Variants in DUS2 observed in about 807,000 individuals in gnomAD.
DUS2 encodes the protein dihydrouridine synthase 2, also known as tRNA-dihydrouridine(20) synthase [NAD(P)+]-like.
Under a neutral mutation model 71.3 loss-of-function variants are expected in DUS2, and 52 were observed. That is an observed-to-expected ratio of 0.73 (90% CI 0.58 to 0.92). The LOEUF (loss-of-function observed/expected upper bound fraction) is 0.92, where lower values mean the gene tolerates loss of function less well. DUS2 is among the 40% of genes least tolerant of loss of function. The pLI is 0.00. For synonymous variants in DUS2, 204 were observed against 227.8 expected, an observed-to-expected ratio of 0.90 and a Z score of 0.94; for missense variants, 558 against 622.6, an observed-to-expected ratio of 0.90 and a Z score of 1.10.
chr16:68,030,331 C>T (rs1281993407), intron 2 of DUS2, among the ~76,000 whole-genome samples: 2 of 151,916 alleles, frequency 1.3e-5, no homozygotes, highest in Non-Finnish European at 2.9e-5. Flanking sequence ...TGGTGACTCA[C>T]ATCTGCAATC....
chr16:68,057,222 A>G (rs2033872114), intron 7 of DUS2, among the ~76,000 whole-genome samples: 2 of 144,290 alleles, frequency 1.4e-5, no homozygotes, highest in African/African-American at 2.5e-5. Context: ...ATAATTGTGT[A>G]TGTGTATAGA....
At position 68,042,676 on chromosome 16, in the gene DUS2, A is replaced by G. The variant is rs538173145; in HGVS notation, c.126+4527A>G. On this transcript the variant is annotated intron_variant, in intron 3 of 16. Transcript: ENST00000565263. Reference sequence around the variant, plus strand: ...AGGCTTATGCCACCACACCTGGCTAATTTTATTTATTTATTTATTTTTATT... The same window carrying G: ...AGGCTTATGCCACCACACCTGGCTAGTTTTATTTATTTATTTATTTTTATT... Among the ~76,000 whole-genome samples the G allele has an allele frequency of 2.0e-5, 3 of 151,840 alleles. No homozygotes were observed. In the East Asian group the frequency reaches 5.8e-4, roughly 29 times the overall value.
At chr16:68,064,473 A>G (rs962823642) in intron 8 of DUS2, among the ~76,000 whole-genome samples, 1 of 152,242 alleles carries the variant, frequency 6.6e-6, no homozygotes, top group African/African-American at 2.4e-5. Flanking sequence ...AGGAAGTTCT[A>G]CAAGACAGAG....
In DUS2 at chr16:68,038,102, A is replaced by G. The variant is rs774127544; in HGVS notation, c.79A>G (p.Met27Val). 61 of 1,613,746 alleles carry G rather than the reference A, an allele frequency of 3.8e-5. No homozygotes were observed. The highest frequency in any genetic ancestry group is 1.6e-4 in the East Asian group (7 of 44,882). ...APMVRVGTLP[M>V]RLLALDYGAD... Reference sequence around the variant, plus strand: ...AATGGTTCGGGTAGGGACTCTTCCAATGAGGCTGCTGGCCCTGGATTATGG... The same window carrying G: ...AATGGTTCGGGTAGGGACTCTTCCAGTGAGGCTGCTGGCCCTGGATTATGG... Residue 27 changes from methionine (M) to valine (V), a missense_variant, in exon 3 of 17, where the codon ATG (methionine) becomes GTG (valine). Physicochemically the swap from Met to Val is conservative, Grantham distance 21. Coordinates refer to ENST00000565263, the MANE Select transcript of DUS2 (RefSeq NM_017803.5).
chr16:68,078,950 G>A lies in DUS2; in HGVS notation c.1446G>A (p.Leu482=). The A allele has an allele frequency of 6.3e-7, 1 of 1,591,124 alleles. No individual in the cohort carries two copies. The highest frequency in any genetic ancestry group is 8.6e-7 in the Non-Finnish European group (1 of 1,165,880). ...TGTGCAAGAAGCCCTTTGTGGCCTT[G>A]GGAAGTGGTGAAGAAAGCCCCCTGG... is the stretch of plus-strand genomic sequence containing the variant. ...GDLCKKPFVA[L]GSGEESPLEG... Residue 482 remains leucine (L), a synonymous_variant, in exon 17 of 17, where the codon TTG becomes TTA. Transcript: ENST00000565263.
rs183417582 is a variant in DUS2, at chr16:68,055,251, T to C, written c.308+634T>C. Reference sequence around the variant, plus strand: ...AGTATCAAAGTATAGGTAAGACATATTGCTTCCTGAATTAACATAGATAGG... The same window carrying C: ...AGTATCAAAGTATAGGTAAGACATACTGCTTCCTGAATTAACATAGATAGG... On this transcript the variant is annotated intron_variant, in intron 6 of 16. Coordinates refer to ENST00000565263, the MANE Select transcript of DUS2 (RefSeq NM_017803.5). Among the ~76,000 whole-genome samples the C allele has an allele frequency of 3.3e-5, 5 of 152,250 alleles. No individual in the cohort carries two copies. The East Asian group carries it at 9.7e-4, about 29-fold the overall frequency.
chr16:68,071,549 G>A (rs1490913704), intron 12 of DUS2, among the ~76,000 whole-genome samples: 6 of 152,118 alleles, frequency 3.9e-5, no homozygotes, highest in Non-Finnish European at 8.8e-5. Context: ...TTTCTCACCT[G>A]ATTTGACTCA....
intron 4 of DUS2, among the ~76,000 whole-genome samples, chr16:68,050,263 G>A (rs2151418769): frequency 6.6e-6 from 1 of 151,806 alleles, no homozygotes; most frequent in South Asian, 2.1e-4. Flanking sequence ...TCAGCCTCCC[G>A]AGTAGCTGGG....
chr16:68,063,129 G>A (rs1001324091), intron 8 of DUS2, among the ~76,000 whole-genome samples: 1 of 152,226 alleles, frequency 6.6e-6, no homozygotes, highest in Non-Finnish European at 1.5e-5. Context: ...AGGCAGCAGA[G>A]ATACACTCAA....
intron 2 of DUS2, among the ~76,000 whole-genome samples, chr16:68,032,060 G>A (rs536879521): frequency 6.6e-6 from 1 of 152,218 alleles, no homozygotes; most frequent in African/African-American, 2.4e-5. Flanking sequence ...TGGTAGAAGA[G>A]ATTGGAAATG....
At chr16:68,045,278 T>C (rs1229369518) in intron 3 of DUS2, among the ~76,000 whole-genome samples, 2 of 152,010 alleles carry the variant, frequency 1.3e-5, no homozygotes, top group African/African-American at 4.8e-5. Flanking sequence ...TGTATATGTA[T>C]GGGTGGGGGA....
chr16:68,066,414 TTC>T (rs1327410177), intron 9 of DUS2, 32 bp downstream of exon 9: 5 of 1,608,318 alleles, frequency 3.1e-6, no homozygotes, highest in Non-Finnish European at 4.3e-6. Context: ...TGAAGGTCCA[TTC>T]TCTCTGGTGA....
intron 7 of DUS2, among the ~76,000 whole-genome samples, chr16:68,057,878 C>G: frequency 1.8e-5 from 1 of 55,592 alleles, no homozygotes; most frequent in South Asian, 9.3e-4. Context: ...GAAAATCTGT[C>G]TCAAAAAAAA....
At chr16:68,051,700 G>T (rs965487481) in intron 4 of DUS2, among the ~76,000 whole-genome samples, 1 of 152,014 alleles carries the variant, frequency 6.6e-6, no homozygotes, top group Non-Finnish European at 1.5e-5. Flanking sequence ...ATGTGTTTCT[G>T]TTTAAAGGCA....
Position 68,079,177 on chromosome 16 carries a change from G to T in DUS2, c.*191G>T, listed in dbSNP as rs1400062125. ...GGGGTGGATCCTGGCCCCTTTGGTGGATCTGAGTGACAGGGTCAAGTTCTC... is the reference window on the plus strand; with the variant it reads ...GGGGTGGATCCTGGCCCCTTTGGTGTATCTGAGTGACAGGGTCAAGTTCTC... On this transcript the variant is annotated 3_prime_UTR_variant, in exon 17 of 17. Transcript: ENST00000565263. 7 of 472,608 alleles carry T rather than the reference G, an allele frequency of 1.5e-5. No individual in the cohort carries two copies. Among genetic ancestry groups the T allele is most frequent in the Admixed American group, 3.8e-5 (1 of 26,550 alleles). 29.3% of individuals were successfully genotyped at this position (472,608 alleles called of 1,614,324 possible). A position where few individuals can be genotyped will look rare whatever the true frequency, so the allele number is the denominator to read the frequency against.
At chr16:68,053,789 T>C in intron 5 of DUS2, 134 bp downstream of exon 5, 1 of 858,850 alleles carries the variant, frequency 1.2e-6, no homozygotes, top group Admixed American at 2.4e-5. Flanking sequence ...AGATTCTGCT[T>C]TAATGTTTTC....
In DUS2 at chr16:68,024,223, A is replaced by C. The variant is rs561343699; in HGVS notation, c.-99+872A>C. ...GTGATTCTCCTGCCTCTGCCTCCCA[A>C]GTAGCTGAGACTACAGCCGTACACC... On this transcript the variant is annotated intron_variant, in intron 1 of 16. Coordinates refer to ENST00000565263, the MANE Select transcript of DUS2 (RefSeq NM_017803.5). Among the ~76,000 whole-genome samples, 13 of 151,866 alleles carry C rather than the reference A, an allele frequency of 8.6e-5. 1 individual carries two copies. In the South Asian group the frequency reaches 2.7e-3, roughly 32 times the overall value.
At chr16:68,072,059 C>T (rs528567740) in intron 12 of DUS2, among the ~76,000 whole-genome samples, 1 of 152,336 alleles carries the variant, frequency 6.6e-6, no homozygotes, top group Admixed American at 6.5e-5. Flanking sequence ...TGGGTCTGAA[C>T]AGAGGGTGCA....
chr16:68,074,031 C>G lies in DUS2; in HGVS notation c.811-3C>G, dbSNP rs2034122996. The G allele has an allele frequency of 6.2e-7, 1 of 1,614,042 alleles. No homozygotes were observed. On this transcript the variant is annotated splice_region_variant and splice_polypyrimidine_tract_variant and intron_variant, in intron 12 of 16. Coordinates refer to ENST00000565263, the MANE Select transcript of DUS2 (RefSeq NM_017803.5). ...GCATCAGGCAAGTCATTTCTTTTCT[C>G]AGGCGGTGCAGTATGACAACCACTA... is the stretch of plus-strand genomic sequence containing the variant.
Sources: allele counts gnomAD v4.1 joint callset (sites outside exome capture counted in the v4.1 genomes callset), GRCh38; gene constraint gnomAD v4.1.1; transcripts MANE v1.5; gene names NCBI Gene and HGNC (gene_info 2026-07-23, HGNC 2026-07-21).